Variants in TENM2 observed in about 807,000 individuals in gnomAD.
TENM2 encodes teneurin-2.
Under a neutral mutation model 245.2 loss-of-function variants are expected in TENM2, and 52 were observed. The ratio of observed to expected loss-of-function variants is 0.21; its 90% CI spans 0.17 to 0.27. The LOEUF is 0.27. TENM2 is among the 10% of genes least tolerant of loss of function. The pLI is 1.00. For synonymous variants in TENM2, 1,363 were observed against 1,438.9 expected, an observed-to-expected ratio of 0.95 and a Z score of 1.19; for missense variants, 3,046 against 3,666.8, an observed-to-expected ratio of 0.83 and a Z score of 4.37.
chr5:167,545,937 T>G (rs1201025298), intron 2 of TENM2, among the ~76,000 whole-genome samples: 1 of 152,200 alleles, frequency 6.6e-6, no homozygotes, highest in Non-Finnish European at 1.5e-5. Flanking sequence ...TAGAATGCAT[T>G]TCAAAGTTTA....
chr5:167,055,415 C>G, the TENM2 span, among the ~76,000 whole-genome samples: 3 of 152,098 alleles, frequency 2.0e-5, no homozygotes, highest in Admixed American at 1.3e-4. Flanking sequence ...CATTCTTTCA[C>G]CATTGCCACA....
At chr5:167,863,530 G>C (rs892721842) in intron 2 of TENM2, among the ~76,000 whole-genome samples, 1 of 152,048 alleles carries the variant, frequency 6.6e-6, no homozygotes, top group African/African-American at 2.4e-5. Context: ...TGTAATCCCA[G>C]CTAATTGGGA....
chr5:167,546,113 C>G (rs9687011), intron 2 of TENM2, among the ~76,000 whole-genome samples: 2 of 151,982 alleles, frequency 1.3e-5, no homozygotes, highest in Non-Finnish European at 2.9e-5. Flanking sequence ...TAAATAACTT[C>G]TCCAAATTCA....
intron 2 of TENM2, among the ~76,000 whole-genome samples, chr5:167,724,846 G>A (rs529540154): frequency 2.0e-4 from 30 of 152,294 alleles, no homozygotes; most frequent in African/African-American, 6.7e-4. Flanking sequence ...GCCCGCAGTC[G>A]TAGTGAGAGT....
chr5:167,869,783 G>A (rs960877199), intron 2 of TENM2, among the ~76,000 whole-genome samples: 4 of 152,010 alleles, frequency 2.6e-5, no homozygotes, highest in Admixed American at 6.6e-5. Flanking sequence ...TGAAAAACCC[G>A]ATGCACTTTC....
intron 3 of TENM2, among the ~76,000 whole-genome samples, chr5:167,891,739 C>T (rs1774777173): frequency 6.6e-6 from 1 of 152,134 alleles, no homozygotes; most frequent in Non-Finnish European, 1.5e-5. Flanking sequence ...TATCATGTGT[C>T]CACCATGTCA....
intron 5 of TENM2, among the ~76,000 whole-genome samples, chr5:168,013,761 G>A (rs2152083014): frequency 1.3e-5 from 2 of 152,302 alleles, no homozygotes; most frequent in East Asian, 3.9e-4. Context: ...CATATCAAGG[G>A]ACCACACACT....
intron 2 of TENM2, among the ~76,000 whole-genome samples, chr5:167,540,119 G>A (rs996124812): frequency 1.3e-5 from 2 of 152,036 alleles, no homozygotes; most frequent in African/African-American, 2.4e-5. Flanking sequence ...AGTAAATTTA[G>A]GCTCAAGCAA....
intron 2 of TENM2, among the ~76,000 whole-genome samples, chr5:167,748,415 A>G (rs1309620259): frequency 3.9e-5 from 6 of 152,082 alleles, no homozygotes; most frequent in East Asian, 1.9e-4. Context: ...ATCTTGTTCT[A>G]TCACCTAGGC....
the TENM2 span, among the ~76,000 whole-genome samples, chr5:167,084,366 T>TATAC: frequency 2.8e-4 from 32 of 114,884 alleles, 2 homozygotes; most frequent in South Asian, 3.4e-3. Context: ...TATATATATA[T>TATAC]ACAGATCAGA....
chr5:167,731,256 G>A (rs1034145350), intron 2 of TENM2, among the ~76,000 whole-genome samples: 5 of 148,026 alleles, frequency 3.4e-5, no homozygotes, highest in Non-Finnish European at 7.4e-5. Flanking sequence ...TGTATCAATA[G>A]CGTTTTGAGC....
At chr5:168,086,856 G>T (rs1209319460) in intron 7 of TENM2, among the ~76,000 whole-genome samples, 2 of 152,226 alleles carry the variant, frequency 1.3e-5, no homozygotes, top group African/African-American at 4.8e-5. Context: ...TCTGGCCAGG[G>T]CCTGAGCTTT....
At chr5:167,392,754 G>A (rs1411909330) in intron 2 of TENM2, among the ~76,000 whole-genome samples, 1 of 152,020 alleles carries the variant, frequency 6.6e-6, no homozygotes, top group East Asian at 1.9e-4. Flanking sequence ...AAAATGTATC[G>A]AGTAATTCAT....
chr5:167,510,798 C>T (rs1169885795), intron 2 of TENM2, among the ~76,000 whole-genome samples: 2 of 152,096 alleles, frequency 1.3e-5, no homozygotes, highest in Non-Finnish European at 2.9e-5. Flanking sequence ...ACTTAAATTG[C>T]AATTGCAATA....
chr5:167,684,987 C>T (rs1207268151), intron 2 of TENM2, among the ~76,000 whole-genome samples: 1 of 152,186 alleles, frequency 6.6e-6, no homozygotes, highest in Non-Finnish European at 1.5e-5. Flanking sequence ...CACCAGCTCT[C>T]AATTGGTACT....
rs1761100588 is a variant in TENM2, at chr5:167,740,420, G to T, written c.503-135566G>T. ...AACTGATAGAATGCTTCTCTTGTGT[G>T]TTTTTGGATTGTGCAGTCAATTGAC... On this transcript the variant is annotated intron_variant, in intron 2 of 28. Coordinates refer to ENST00000518659, the Ensembl canonical transcript of TENM2. Among the ~76,000 whole-genome samples the T allele has an allele frequency of 3.3e-5, 5 of 152,160 alleles. 1 individual carries two copies. The South Asian group carries it at 1.0e-3, about 32-fold the overall frequency.
intron 2 of TENM2, among the ~76,000 whole-genome samples, chr5:167,523,514 A>T (rs1415116880): frequency 6.6e-6 from 1 of 152,134 alleles, no homozygotes; most frequent in African/African-American, 2.4e-5. Context: ...ATGTGTAGAC[A>T]CAATCTGGAT....
At chr5:167,250,313 C>A in the TENM2 span, among the ~76,000 whole-genome samples, 1 of 151,688 alleles carries the variant, frequency 6.6e-6, no homozygotes, top group African/African-American at 2.4e-5. Context: ...ACAGTGAGAC[C>A]TTATCTCATA....
chr5:167,575,595 A>C (rs1448079325), intron 2 of TENM2, among the ~76,000 whole-genome samples: 1 of 152,162 alleles, frequency 6.6e-6, no homozygotes, highest in East Asian at 1.9e-4. Context: ...AGTGGGGAGT[A>C]GAGACCAAAT....
Sources: gnomAD v4.1 joint callset for allele counts (sites outside exome capture counted in the v4.1 genomes callset) on GRCh38, gnomAD v4.1.1 for gene constraint, MANE v1.5 for transcripts, NCBI Gene and HGNC (gene_info 2026-07-23, HGNC 2026-07-21) for gene names.